The following ITFG1 variants were observed in gnomAD, a reference collection of about 807,000 sequenced individuals.
ITFG1 encodes integrin alpha FG-GAP repeat containing 1, also known as T-cell immunomodulatory protein.
ITFG1 carries 34 observed loss-of-function variants against 81.8 expected under a neutral mutation model. The ratio of observed to expected loss-of-function variants is 0.42; its 90% confidence interval spans 0.32 to 0.55. The LOEUF (loss-of-function observed/expected upper bound fraction) is 0.55, where lower values mean the gene tolerates loss of function less well. ITFG1 is among the 20% of genes least tolerant of loss of function. The pLI is 0.17. For synonymous variants in ITFG1, 285 were observed against 270.6 expected, an observed-to-expected ratio of 1.05 and a Z score of -0.52; for missense variants, 672 against 755.4, an observed-to-expected ratio of 0.89 and a Z score of 1.29.
intron 6 of ITFG1, among the ~76,000 whole-genome samples, chr16:47,383,710 A>G (rs1968423896): frequency 6.6e-6 from 1 of 152,220 alleles, no homozygotes; most frequent in South Asian, 2.1e-4. Context: ...GTTCGAGACC[A>G]GCTGACCAAC....
intron 5 of ITFG1, among the ~76,000 whole-genome samples, chr16:47,431,810 A>G (rs1403193200): frequency 4.6e-5 from 7 of 152,178 alleles, no homozygotes; most frequent in Admixed American, 4.6e-4. Context: ...ACCACAGTAT[A>G]AATATCAAAA....
chr16:47,393,021 G>A (rs142075985), intron 6 of ITFG1, among the ~76,000 whole-genome samples: 1 of 152,296 alleles, frequency 6.6e-6, no homozygotes, highest in African/African-American at 2.4e-5. Context: ...GTCCAAAGAT[G>A]GATAATAACT....
chr16:47,377,106 T>C (rs201618820), intron 6 of ITFG1, among the ~76,000 whole-genome samples: 2 of 151,486 alleles, frequency 1.3e-5, no homozygotes, highest in East Asian at 1.9e-4. Flanking sequence ...TCTGTAAGGG[T>C]GTCATATGAA....
chr16:47,237,001 A>G (rs1965884583), intron 13 of ITFG1, among the ~76,000 whole-genome samples: 1 of 152,204 alleles, frequency 6.6e-6, no homozygotes, highest in African/African-American at 2.4e-5. Context: ...GCAAGAGTTC[A>G]AAAGCCGCGC....
At chr16:47,337,111 C>T (rs1277938598) in intron 8 of ITFG1, among the ~76,000 whole-genome samples, 1 of 138,478 alleles carries the variant, frequency 7.2e-6, no homozygotes, top group African/African-American at 2.7e-5. Context: ...GCACTCCAAC[C>T]TGGGTGACAA....
At chr16:47,190,215 A>G (rs889492541) in intron 14 of ITFG1, among the ~76,000 whole-genome samples, 6 of 149,458 alleles carry the variant, frequency 4.0e-5, no homozygotes, top group Non-Finnish European at 7.4e-5. Context: ...TAGTAGGAAG[A>G]AAAAAAAAAG....
At chr16:47,401,499 T>C (rs892769689) in intron 6 of ITFG1, among the ~76,000 whole-genome samples, 1 of 151,914 alleles carries the variant, frequency 6.6e-6, no homozygotes, top group South Asian at 2.1e-4. Context: ...TTATGGGACA[T>C]TGAAAAGAAA....
intron 14 of ITFG1, among the ~76,000 whole-genome samples, chr16:47,177,318 G>A (rs939360694): frequency 6.6e-6 from 1 of 151,928 alleles, no homozygotes; most frequent in African/African-American, 2.4e-5. Context: ...ATACTCCCTT[G>A]TTTCTAAATG....
intron 10 of ITFG1, among the ~76,000 whole-genome samples, chr16:47,300,647 C>T: frequency 6.6e-6 from 1 of 152,170 alleles, no homozygotes; most frequent in East Asian, 1.9e-4. Flanking sequence ...AAGATTTTAA[C>T]AATAAATTTG....
At chr16:47,349,871 C>G (rs1967923575) in intron 8 of ITFG1, among the ~76,000 whole-genome samples, 1 of 152,182 alleles carries the variant, frequency 6.6e-6, no homozygotes, top group Non-Finnish European at 1.5e-5. Context: ...TCTCAGACCA[C>G]AGTGCAATCA....
chr16:47,308,209 A>G (rs1228683472), intron 10 of ITFG1, among the ~76,000 whole-genome samples: 1 of 152,130 alleles, frequency 6.6e-6, no homozygotes, highest in Non-Finnish European at 1.5e-5. Flanking sequence ...TTCTTGGAAA[A>G]ATCTCCAAAC....
At chr16:47,161,291 A>G (rs539831604) in intron 16 of ITFG1, among the ~76,000 whole-genome samples, 36 of 152,322 alleles carry the variant, frequency 2.4e-4, no homozygotes, top group Middle Eastern at 6.8e-3. Context: ...GAGAGGACAA[A>G]GGACTGGCTC....
chr16:47,325,237 C>T (rs144096066), intron 8 of ITFG1, among the ~76,000 whole-genome samples: 4,268 of 152,182 alleles, frequency 0.028, 87 homozygotes, highest in Non-Finnish European at 0.04. Flanking sequence ...GGGTACATAA[C>T]GAAATGAAGG....
At chr16:47,349,671 GA>G (rs1297082315) in intron 8 of ITFG1, among the ~76,000 whole-genome samples, 6 of 152,108 alleles carry the variant, frequency 3.9e-5, no homozygotes. Context: ...AGTTAACAAG[GA>G]TATCCAGGAA....
At chr16:47,207,259 A>AT (rs1965510598) in intron 14 of ITFG1, among the ~76,000 whole-genome samples, 1 of 151,652 alleles carries the variant, frequency 6.6e-6, no homozygotes, top group Non-Finnish European at 1.5e-5. Flanking sequence ...ATTTTTTTGT[A>AT]TTTTTTAGTA....
In ITFG1 at chr16:47,442,438, G is replaced by A. The variant is rs369378124; in HGVS notation, c.560+8958C>T. 1.1e-4 allele frequency among the ~76,000 whole-genome samples: 17 copies of A among 152,136 alleles called. No homozygotes were observed. In the East Asian group the frequency reaches 1.7e-3, roughly 16 times the overall value. On this transcript the variant is annotated intron_variant, in intron 5 of 17. Transcript: ENST00000320640. ...ACAGAACCAAAAAAGAGCCCGCATTGCCAAGTCAATCCTATGCCAAAAGAA... is the reference window on the plus strand; with the variant it reads ...ACAGAACCAAAAAAGAGCCCGCATTACCAAGTCAATCCTATGCCAAAAGAA...
At chr16:47,283,408 T>C (rs897621966) in intron 10 of ITFG1, among the ~76,000 whole-genome samples, 6 of 152,246 alleles carry the variant, frequency 3.9e-5, no homozygotes, top group Admixed American at 2.6e-4. Context: ...GTGGGTTTGC[T>C]TCTGGGTTCT....
chr16:47,294,412 T>C (rs139980338), intron 10 of ITFG1, among the ~76,000 whole-genome samples: 2 of 152,272 alleles, frequency 1.3e-5, no homozygotes, highest in African/African-American at 4.8e-5. Flanking sequence ...GGCATTTTCA[T>C]AGGAATTGCA....
At chr16:47,263,913 A>G (rs1229288342) in intron 10 of ITFG1, among the ~76,000 whole-genome samples, 1 of 152,194 alleles carries the variant, frequency 6.6e-6, no homozygotes, top group East Asian at 1.9e-4. Flanking sequence ...ACAGAGCTCT[A>G]CAAGTAGAAC....
Sources: allele counts gnomAD v4.1 joint callset (sites outside exome capture counted in the v4.1 genomes callset), GRCh38; gene constraint gnomAD v4.1.1; transcripts MANE v1.5; gene names NCBI Gene and HGNC (gene_info 2026-07-23, HGNC 2026-07-21).